PDE11A: variants seen among roughly 807,000 people sequenced by gnomAD.
PDE11A encodes phosphodiesterase 11A.
In PDE11A, 100 loss-of-function variants were observed where a neutral mutation model predicts 100.5. The observed-to-expected ratio is 1.00, with a 90% confidence interval of 0.85 to 1.18. The LOEUF (loss-of-function observed/expected upper bound fraction) is 1.18, where lower values mean the gene tolerates loss of function less well. Among genes scored for constraint, PDE11A ranks in the 50% most tolerant of loss-of-function variants. The pLI, the probability that PDE11A is intolerant of heterozygous loss-of-function variation, is 0.00. For synonymous variants in PDE11A, 381 were observed against 420.8 expected, an observed-to-expected ratio of 0.91 and a Z score of 1.16; for missense variants, 1,141 against 1,152.6, an observed-to-expected ratio of 0.99 and a Z score of 0.15.
intron 19 of PDE11A, among the ~76,000 whole-genome samples, chr2:177,640,984 C>A (rs1574088998): frequency 6.6e-6 from 1 of 152,190 alleles, no homozygotes; most frequent in Admixed American, 6.5e-5. Context: ...TTTCCACAAC[C>A]CTGGTTTAGG....
chr2:177,910,461 T>C (rs867622973), intron 2 of PDE11A, among the ~76,000 whole-genome samples: 23 of 152,142 alleles, frequency 1.5e-4, no homozygotes, highest in African/African-American at 4.6e-4. Flanking sequence ...CACACACATA[T>C]ATATATTGCT....
chr2:177,877,335 T>C (rs2084257897), intron 4 of PDE11A, among the ~76,000 whole-genome samples: 1 of 123,288 alleles, frequency 8.1e-6, no homozygotes. Context: ...CAGCTAATTT[T>C]TGCATTTTTA....
At chr2:177,957,751 A>T (rs1214625513) in intron 2 of PDE11A, among the ~76,000 whole-genome samples, 1 of 152,128 alleles carries the variant, frequency 6.6e-6, no homozygotes, top group African/African-American at 2.4e-5. Flanking sequence ...ATGATTATAA[A>T]AGTAATAAGA....
intron 2 of PDE11A, among the ~76,000 whole-genome samples, chr2:177,999,743 G>A (rs1439876020): frequency 6.6e-6 from 1 of 152,188 alleles, no homozygotes; most frequent in Admixed American, 6.5e-5. Flanking sequence ...TTCTGATGGT[G>A]TCAATTAATT....
chr2:177,880,334 C>T (rs2084309873), intron 4 of PDE11A, among the ~76,000 whole-genome samples: 1 of 152,174 alleles, frequency 6.6e-6, no homozygotes, highest in African/African-American at 2.4e-5. Context: ...CAGAGGTCAG[C>T]CGCATGGGCA....
At chr2:177,825,868 C>G (rs1032492639) in intron 6 of PDE11A, among the ~76,000 whole-genome samples, 4 of 152,172 alleles carry the variant, frequency 2.6e-5, no homozygotes, top group African/African-American at 9.7e-5. Flanking sequence ...ATTTTGGCCT[C>G]ACAGCTGATT....
At chr2:177,778,685 T>C (rs1000452649) in intron 9 of PDE11A, among the ~76,000 whole-genome samples, 2 of 152,214 alleles carry the variant, frequency 1.3e-5, no homozygotes, top group Admixed American at 6.5e-5. Flanking sequence ...TTACTTGGAA[T>C]AACCCGACAG....
rs145029327 is a variant in PDE11A, at chr2:177,675,096, T to C, written c.2487+359A>G. Among the ~76,000 whole-genome samples the C allele has an allele frequency of 4.3e-3, 645 of 151,348 alleles. 12 individuals carry two copies. Among genetic ancestry groups the C allele is most frequent in the African/African-American group, 0.014 (595 of 41,402 alleles). On this transcript the variant is annotated intron_variant, in intron 17 of 19. Coordinates refer to ENST00000286063, the MANE Select transcript of PDE11A (RefSeq NM_016953.4). ...ATTTCCTTTTTGCCTCCTTTTATTT[T>C]CAGATATTAAAAAAAAAGAAAACAA...
chr2:177,685,425 T>C (rs2080931020), intron 15 of PDE11A, among the ~76,000 whole-genome samples: 1 of 152,180 alleles, frequency 6.6e-6, no homozygotes, highest in African/African-American at 2.4e-5. Flanking sequence ...TGACTCACCT[T>C]CCACTAACGA....
chr2:177,862,884 G>A lies in PDE11A; in HGVS notation c.1367+12975C>T, dbSNP rs143677416. On this transcript the variant is annotated intron_variant, in intron 5 of 19. Transcript: ENST00000286063. The stretch of plus-strand genomic sequence containing the variant: ...GACCCCAAATAGCCAAAACAATACT[G>A]AGAAAGACAAACAAAATTGGAGGCA... Among the ~76,000 whole-genome samples the A allele has an allele frequency of 6.0e-3, 916 of 151,876 alleles. 9 individuals carry two copies. Among genetic ancestry groups the A allele is most frequent in the African/African-American group, 0.02 (848 of 41,498 alleles).
intron 1 of PDE11A, among the ~76,000 whole-genome samples, chr2:178,065,060 T>C (rs900079103): frequency 4.6e-5 from 7 of 152,286 alleles, no homozygotes; most frequent in African/African-American, 1.7e-4. Flanking sequence ...TAAATAAATA[T>C]AGCCTCAATG....
rs1489306160 is a variant in PDE11A, at chr2:177,713,995, T to TTTC, written c.2044-2118_2044-2117insGAA. 5.9e-4 allele frequency among the ~76,000 whole-genome samples: 70 copies of TTTC among 117,818 alleles called. 1 individual carries two copies. Among genetic ancestry groups the TTTC allele is most frequent in the Non-Finnish European group, 1.0e-3 (58 of 55,646 alleles). The allele number at this position is 117,818 out of a possible 152,430, so 77.3% of individuals were successfully genotyped here. The stretch of plus-strand genomic sequence containing the variant: ...TATTTCTTTTCTTTTTTCTTTTTTT[T>TTTC]TTTTTTTTTTTTTTTTGAGACGGAG... On this transcript the variant is annotated intron_variant, in intron 12 of 19. Coordinates refer to ENST00000286063, the MANE Select transcript of PDE11A (RefSeq NM_016953.4).
chr2:177,840,333 T>A lies in PDE11A; in HGVS notation c.1418A>T (p.Asn473Ile), dbSNP rs1242595531. Residue 473 changes from asparagine (N) to isoleucine (I), a missense_variant, in exon 6 of 20, where the codon AAC (asparagine) becomes ATC (isoleucine). By Grantham distance (149) the Asn-to-Ile change is moderately radical. Transcript: ENST00000286063. ...TGAAGCAACCAGCTCAGCAATGCTG[T>A]TATTTATTAGCCAGTCGGAGTATGA... is the stretch of plus-strand genomic sequence containing the variant. ...KSSYSDWLIN[N>I]SIAELVASTG... The A allele has an allele frequency of 6.2e-7, 1 of 1,613,452 alleles. No individual in the cohort carries two copies. Among genetic ancestry groups the A allele is most frequent in the Non-Finnish European group, 8.5e-7 (1 of 1,179,334 alleles).
intron 4 of PDE11A, chr2:177,888,700 G>A (rs2084480247): frequency 3.1e-6 from 3 of 967,738 alleles, no homozygotes; most frequent in Non-Finnish European, 3.7e-6. Context: ...GATTGTATTT[G>A]CAGTGAGCAA....
chr2:177,803,957 T>C (rs2082830248), intron 9 of PDE11A, among the ~76,000 whole-genome samples: 1 of 151,844 alleles, frequency 6.6e-6, no homozygotes, highest in Admixed American at 6.6e-5. Context: ...TAGATAAAAA[T>C]GAACTCAAGA....
At chr2:178,056,004 G>A (rs2086895523) in intron 1 of PDE11A, among the ~76,000 whole-genome samples, 1 of 151,902 alleles carries the variant, frequency 6.6e-6, no homozygotes, top group African/African-American at 2.4e-5. Context: ...AGATATTAAG[G>A]TTCTGTGTAG....
intron 13 of PDE11A, among the ~76,000 whole-genome samples, chr2:177,709,280 T>C (rs763298115): frequency 2.0e-5 from 3 of 152,216 alleles, no homozygotes; most frequent in Non-Finnish European, 2.9e-5. Flanking sequence ...AAGATTATTC[T>C]GGAGTGCCAA....
rs560886091 is a variant in PDE11A at position 177,785,904 on chromosome 2, C to A, written c.1738-16531G>T. The stretch of plus-strand genomic sequence containing the variant: ...CCAGAAAGCTTGAACTGGGTGGAGC[C>A]CACCACAGCTCAAGGAGGCCTGCCT... On this transcript the variant is annotated intron_variant, in intron 9 of 19. Coordinates refer to ENST00000286063, the MANE Select transcript of PDE11A (RefSeq NM_016953.4). 5.4e-4 allele frequency among the ~76,000 whole-genome samples: 83 copies of A among 152,328 alleles called. 1 individual carries two copies. The highest frequency in any genetic ancestry group is 1.9e-3 in the African/African-American group (80 of 41,578).
intron 9 of PDE11A, among the ~76,000 whole-genome samples, chr2:177,792,109 TC>T (rs1423126801): frequency 6.6e-6 from 1 of 152,198 alleles, no homozygotes; most frequent in African/African-American, 2.4e-5. Context: ...AGTGTTCCAT[TC>T]CCACAATTGC....
Sources: gnomAD v4.1 joint callset for allele counts (sites outside exome capture counted in the v4.1 genomes callset) on GRCh38, gnomAD v4.1.1 for gene constraint, MANE v1.5 for transcripts, NCBI Gene and HGNC (gene_info 2026-07-23, HGNC 2026-07-21) for gene names.